The following CNPY1 variants were observed in gnomAD, a reference collection of about 807,000 sequenced individuals.
The protein encoded by CNPY1 is protein canopy homolog 1.
A neutral mutation model predicts 14.4 loss-of-function variants in CNPY1; 14 were observed. The ratio of observed to expected loss-of-function variants is 0.97; its 90% CI spans 0.64 to 1.52. CNPY1 has a LOEUF of 1.52. Among genes scored for constraint, CNPY1 ranks in the 40% most tolerant of loss-of-function variants. The probability of loss-of-function intolerance (pLI) is 0.00; values close to 1 mark genes in which losing one functional copy is unlikely to be tolerated. For missense variants in CNPY1, 129 were observed against 131.5 expected (o/e 0.98, Z 0.09); for synonymous variants, 43 against 46.5 (o/e 0.92, Z 0.31).
chr7:155,530,147 C>T (rs992791976), intron 2 of CNPY1, among the ~76,000 whole-genome samples: 1 of 152,120 alleles, frequency 6.6e-6, no homozygotes, highest in Admixed American at 6.6e-5. Flanking sequence ...CACTGCTTCA[C>T]CGGATTTGGG....
chr7:155,516,057 AC>A (rs1013463891), intron 2 of CNPY1, among the ~76,000 whole-genome samples: 13 of 151,998 alleles, frequency 8.6e-5, no homozygotes, highest in Admixed American at 1.3e-4. Context: ...CATGACATGC[AC>A]CCTGTCTATT....
At chr7:155,521,286 G>A (rs950813469) in intron 2 of CNPY1, among the ~76,000 whole-genome samples, 7 of 152,306 alleles carry the variant, frequency 4.6e-5, no homozygotes, top group Admixed American at 4.6e-4. Context: ...CTGTGCGAAG[G>A]ACTGACATGA....
chr7:155,537,290 A>T (rs1797034644), intron 2 of CNPY1, among the ~76,000 whole-genome samples: 2 of 152,156 alleles, frequency 1.3e-5, no homozygotes, highest in South Asian at 4.1e-4. Flanking sequence ...ACCAAAGGAC[A>T]CATGCATGGA....
At chr7:155,504,183 A>T (rs930100757) in intron 4 of CNPY1, among the ~76,000 whole-genome samples, 4 of 152,230 alleles carry the variant, frequency 2.6e-5, no homozygotes, top group Non-Finnish European at 4.4e-5. Context: ...TCTATCCAGT[A>T]TATAAACTGC....
At chr7:155,529,195 A>T (rs1303260936) in intron 2 of CNPY1, among the ~76,000 whole-genome samples, 2 of 152,216 alleles carry the variant, frequency 1.3e-5, no homozygotes, top group Non-Finnish European at 2.9e-5. Flanking sequence ...GGCTGGAAGT[A>T]GCTGTTTCCC....
intron 2 of CNPY1, among the ~76,000 whole-genome samples, chr7:155,535,648 T>A (rs1797015179): frequency 6.6e-6 from 1 of 152,188 alleles, no homozygotes; most frequent in South Asian, 2.1e-4. Context: ...AGGCCTGATT[T>A]AATCCTAGAA....
rs1009304780 is a variant in CNPY1 at position 155,510,320 on chromosome 7, A to G, written c.100-1223T>C. 1.4e-4 allele frequency: 22 copies of G among 152,104 alleles called. 1 individual carries two copies. Among genetic ancestry groups the G allele is most frequent in the African/African-American group, 5.3e-4 (22 of 41,408 alleles). 9.4% of individuals were successfully genotyped at this position (152,104 alleles called of 1,614,324 possible). On this transcript the variant is annotated intron_variant, in intron 2 of 4. Coordinates refer to ENST00000636446, the MANE Select transcript of CNPY1 (RefSeq NM_001393663.1). ...CGGAGGGTGCGCTTGTGTTCTTGAGACCCAGGTTCCATTACAAACCACCCA... is the reference window on the plus strand; with the variant it reads ...CGGAGGGTGCGCTTGTGTTCTTGAGGCCCAGGTTCCATTACAAACCACCCA...
At chr7:155,516,461 C>T (rs955634448) in intron 2 of CNPY1, among the ~76,000 whole-genome samples, 1 of 152,150 alleles carries the variant, frequency 6.6e-6, no homozygotes, top group African/African-American at 2.4e-5. Context: ...GAGGAGCGGG[C>T]TGGCACAGGA....
At chr7:155,532,131 A>T (rs1318752967) in intron 2 of CNPY1, among the ~76,000 whole-genome samples, 1 of 152,258 alleles carries the variant, frequency 6.6e-6, no homozygotes, top group Non-Finnish European at 1.5e-5. Flanking sequence ...AATGATACTA[A>T]CATTTAGAGA....
rs60236629 is a variant in CNPY1, at chr7:155,502,003, T to TGGGGGGGGGGGGGTG, written c.*1064_*1065insCACCCCCCCCCCCCC. ...GCAAAGAGTTTTGGGTCGGGGGGGT[T>TGGGGGGGGGGGGGTG]GGGGGGGGGATTTGTAGCATCCTAC... is the stretch of plus-strand genomic sequence containing the variant. On this transcript the variant is annotated 3_prime_UTR_variant, in exon 5 of 5. Coordinates refer to ENST00000636446, the MANE Select transcript of CNPY1 (RefSeq NM_001393663.1). 1 of 125,272 alleles carries TGGGGGGGGGGGGGTG rather than the reference T, an allele frequency of 8.0e-6. No individual in the cohort carries two copies. The highest frequency in any genetic ancestry group is 1.7e-5 in the Non-Finnish European group (1 of 60,094). The allele number at this position is 125,272 out of a possible 1,614,324, so 7.8% of individuals were successfully genotyped here. A position where few individuals can be genotyped will look rare whatever the true frequency, so the allele number is the denominator to read the frequency against.
At chr7:155,545,590 T>G (rs1244160832) in intron 2 of CNPY1, among the ~76,000 whole-genome samples, 1 of 152,162 alleles carries the variant, frequency 6.6e-6, no homozygotes, top group Non-Finnish European at 1.5e-5. Flanking sequence ...TTTATTCTGA[T>G]GAAGAACAGT....
chr7:155,521,877 G>A (rs963834183), intron 2 of CNPY1, among the ~76,000 whole-genome samples: 2 of 152,160 alleles, frequency 1.3e-5, no homozygotes, highest in African/African-American at 4.8e-5. Flanking sequence ...TCACTTCAGC[G>A]GCCTTGCACC....
chr7:155,533,531 G>A (rs763327721), intron 2 of CNPY1, among the ~76,000 whole-genome samples: 5 of 152,146 alleles, frequency 3.3e-5, no homozygotes, highest in African/African-American at 9.7e-5. Flanking sequence ...GGCCAGCTCC[G>A]CCACCCAGCG....
chr7:155,506,469 T>C (rs1464916572), intron 4 of CNPY1: 1 of 153,938 alleles, frequency 6.5e-6, no homozygotes, highest in African/African-American at 2.4e-5. Flanking sequence ...TTAACTATTA[T>C]TTTCCACCCT....
intron 2 of CNPY1, among the ~76,000 whole-genome samples, chr7:155,531,762 G>A (rs1269657909): frequency 6.6e-6 from 1 of 152,356 alleles, no homozygotes; most frequent in South Asian, 2.1e-4. Flanking sequence ...CAGCAAGAAT[G>A]TCAGGCCCAA....
At chr7:155,516,945 G>C (rs1039895889) in intron 2 of CNPY1, among the ~76,000 whole-genome samples, 1 of 152,162 alleles carries the variant, frequency 6.6e-6, no homozygotes, top group African/African-American at 2.4e-5. Context: ...CTGTGATTGG[G>C]GTCTCCGCCA....
intron 3 of CNPY1, among the ~76,000 whole-genome samples, 191 bp from the exon 4 acceptor site, chr7:155,507,307 T>C (rs1383389517): frequency 6.6e-6 from 1 of 151,890 alleles, no homozygotes; most frequent in Non-Finnish European, 1.5e-5. Flanking sequence ...GTTAATTGCA[T>C]CATTTTCCTG....
chr7:155,502,970 A>T lies in CNPY1; in HGVS notation c.*98T>A. 3.5e-6 allele frequency: 4 copies of T among 1,127,828 alleles called. No individual in the cohort carries two copies. The South Asian group carries it at 5.6e-5, about 16-fold the overall frequency. 69.9% of individuals were successfully genotyped at this position (1,127,828 alleles called of 1,614,324 possible). On this transcript the variant is annotated 3_prime_UTR_variant, in exon 5 of 5. Transcript: ENST00000636446. ...AAACACGGTATAAACAAGAGACAAAATTTTTCTTATCATGAAAGACAACAT... is the reference window on the plus strand; with the variant it reads ...AAACACGGTATAAACAAGAGACAAATTTTTTCTTATCATGAAAGACAACAT...
intron 2 of CNPY1, among the ~76,000 whole-genome samples, chr7:155,512,724 C>T (rs951769191): frequency 4.6e-5 from 7 of 152,176 alleles, no homozygotes; most frequent in East Asian, 1.9e-4. Context: ...TGGAAACTGT[C>T]GTTGTGGTAT....
Sources: gnomAD v4.1 joint callset for allele counts (sites outside exome capture counted in the v4.1 genomes callset) on GRCh38, gnomAD v4.1.1 for gene constraint, MANE v1.5 for transcripts, NCBI Gene and HGNC (gene_info 2026-07-23, HGNC 2026-07-21) for gene names.